The following SPDYE18 variants were observed in gnomAD, a reference collection of about 807,000 sequenced individuals.
SPDYE18 encodes speedy/RINGO cell cycle regulator family member E18.
A neutral mutation model predicts 44.9 loss-of-function variants in SPDYE18; 6 were observed. The ratio of observed to expected loss-of-function variants is 0.13; its 90% confidence interval spans 0.07 to 0.26. SPDYE18 has a LOEUF of 0.26. Among genes scored for constraint, SPDYE18 ranks in the 10% least tolerant of loss-of-function variants. The pLI is 1.00. For missense variants in SPDYE18, 121 were observed against 463.2 expected, an observed-to-expected ratio of 0.26 and a Z score of 6.78; for synonymous variants, 35 against 177.1, an observed-to-expected ratio of 0.20 and a Z score of 6.37.
intron 6 of SPDYE18, among the ~76,000 whole-genome samples, chr7:77,054,606 A>C (rs1342228260): frequency 6.6e-6 from 1 of 152,220 alleles, no homozygotes; most frequent in Non-Finnish European, 1.5e-5. Flanking sequence ...TTTGTGGTTG[A>C]TGTGGGAAGG....
At chr7:77,058,910 A>C (rs1276534592) in intron 3 of SPDYE18, among the ~76,000 whole-genome samples, 1 of 151,986 alleles carries the variant, frequency 6.6e-6, no homozygotes, top group Non-Finnish European at 1.5e-5. Flanking sequence ...CTCTTGCCTC[A>C]GCCTCCCAGC....
chr7:77,060,276 C>T (rs1377195456), intron 2 of SPDYE18, 77 bp downstream of exon 2: 17 of 1,527,308 alleles, frequency 1.1e-5, no homozygotes, highest in African/African-American at 4.1e-5. Context: ...GGGTTACAGG[C>T]GTGAGCCACC....
chr7:77,054,142 C>T (rs4729113), intron 6 of SPDYE18, among the ~76,000 whole-genome samples: 22,456 of 143,410 alleles, frequency 0.16, 491 homozygotes, highest in East Asian at 0.42. Flanking sequence ...TAGAGAGCTA[C>T]GGGCATGCAG....
intron 4 of SPDYE18, among the ~76,000 whole-genome samples, chr7:77,057,035 G>T (rs1437215194): frequency 6.6e-6 from 1 of 151,098 alleles, no homozygotes; most frequent in Non-Finnish European, 1.5e-5. Flanking sequence ...AGAGGGCACA[G>T]CTGAAACCAC....
In SPDYE18 at chr7:77,050,822, T is replaced by TA. The variant is rs1239632792; in HGVS notation, c.*1102dup. Among the ~76,000 whole-genome samples, 1 of 151,328 alleles carries TA rather than the reference T, an allele frequency of 6.6e-6. No individual in the cohort carries two copies. The highest frequency in any genetic ancestry group is 2.4e-5 in the African/African-American group (1 of 41,406). On this transcript the variant is annotated 3_prime_UTR_variant, in exon 9 of 9. Transcript: ENST00000510091. ...AGTTATAACACCCATCACACAGCTT[T>TA]ATAGAAACAGCATCTATTCAAAAAT...
intron 2 of SPDYE18, among the ~76,000 whole-genome samples, chr7:77,060,089 A>G (rs1014239889): frequency 6.8e-5 from 9 of 133,198 alleles, no homozygotes; most frequent in Non-Finnish European, 1.4e-4. Flanking sequence ...TCTTCCTCCC[A>G]GTCTCAAGTG....
At position 77,051,138 on chromosome 7, in the gene SPDYE18, T is replaced by C. The variant is rs1460063557; in HGVS notation, c.*787A>G. ...TTTTTTTCTGGTGGGGAACTACCAATAGCTATAAATAGAAGAGATTTTTAT... is the reference window on the plus strand; with the variant it reads ...TTTTTTTCTGGTGGGGAACTACCAACAGCTATAAATAGAAGAGATTTTTAT... On this transcript the variant is annotated 3_prime_UTR_variant, in exon 9 of 9. Coordinates refer to ENST00000510091, the MANE Select transcript of SPDYE18 (RefSeq NM_001394953.1). Among the ~76,000 whole-genome samples, 2 of 152,022 alleles carry C rather than the reference T, an allele frequency of 1.3e-5. No homozygotes were observed. Among genetic ancestry groups the C allele is most frequent in the African/African-American group, 2.4e-5 (1 of 41,466 alleles).
intron 4 of SPDYE18, among the ~76,000 whole-genome samples, chr7:77,057,422 C>G (rs1789943635): frequency 6.6e-6 from 1 of 151,456 alleles, no homozygotes. Flanking sequence ...TGGCCCAAAA[C>G]CAAGCTTTCT....
chr7:77,053,768 G>A, intron 6 of SPDYE18, among the ~76,000 whole-genome samples: 1 of 151,768 alleles, frequency 6.6e-6, no homozygotes, highest in Non-Finnish European at 1.5e-5. Context: ...GAACCCAGGA[G>A]GCGGAGGTTG....
At position 77,060,438 on chromosome 7, in the gene SPDYE18, G is replaced by T. The variant is rs1339298307; in HGVS notation, c.75C>A (p.His25Gln). 4.6e-6 allele frequency: 7 copies of T among 1,535,346 alleles called. No homozygotes were observed. Among genetic ancestry groups the T allele is most frequent in the Non-Finnish European group, 4.4e-6 (5 of 1,146,842 alleles). The change falls in exon 2 of 9, where the codon CAC becomes CAA. Residue 25 changes from histidine to glutamine, a missense_variant. Coordinates refer to ENST00000510091, the MANE Select transcript of SPDYE18 (RefSeq NM_001394953.1). Reference sequence around the variant, plus strand: ...GCTGGAGACTCTGCTCATTCTGGGGGTGCGGTTGACGGCTGGTCGTGATCT... The same window carrying T: ...GCTGGAGACTCTGCTCATTCTGGGGTTGCGGTTGACGGCTGGTCGTGATCT... ...TGKITTSRQP[H>Q]PQNEQSLQRS...
intron 4 of SPDYE18, among the ~76,000 whole-genome samples, 173 bp downstream of exon 4, chr7:77,057,464 C>T (rs374991910): frequency 2.9e-4 from 44 of 151,138 alleles, no homozygotes; most frequent in East Asian, 1.2e-3. Context: ...TCAAGTTGAC[C>T]TAATCCTTTA....
chr7:77,051,565 G>C lies in SPDYE18; in HGVS notation c.*360C>G, dbSNP rs1283184315. On this transcript the variant is annotated 3_prime_UTR_variant, in exon 9 of 9. Coordinates refer to ENST00000510091, the MANE Select transcript of SPDYE18 (RefSeq NM_001394953.1). ...TGGCAACCAAGTCTGTAAGAAACAG[G>C]ACCTCCAGGTTCCGGCCCAGGGAGG... Among the ~76,000 whole-genome samples, 47 of 152,388 alleles carry C rather than the reference G, an allele frequency of 3.1e-4. No individual in the cohort carries two copies. Among genetic ancestry groups the C allele is most frequent in the Non-Finnish European group, 5.4e-4 (37 of 68,032 alleles).
chr7:77,052,312 T>G (rs1789817486), intron 8 of SPDYE18, among the ~76,000 whole-genome samples: 1 of 152,106 alleles, frequency 6.6e-6, no homozygotes, highest in Non-Finnish European at 1.5e-5. Flanking sequence ...CTCCTCATGA[T>G]GAAGTCTCAT....
At chr7:77,051,998 T>C (rs1477591899) in intron 8 of SPDYE18, among the ~76,000 whole-genome samples, 119 bp from the exon 9 acceptor site, 5 of 142,738 alleles carry the variant, frequency 3.5e-5, no homozygotes, top group Admixed American at 2.2e-4. Context: ...TTTTATCTGC[T>C]GCCTTTCATT....
Position 77,051,122 on chromosome 7 carries a change from G to C in SPDYE18, c.*803C>G, listed in dbSNP as rs1282421655. Among the ~76,000 whole-genome samples the C allele has an allele frequency of 6.6e-6, 1 of 151,882 alleles. No individual in the cohort carries two copies. Among genetic ancestry groups the C allele is most frequent in the African/African-American group, 2.4e-5 (1 of 41,408 alleles). On this transcript the variant is annotated 3_prime_UTR_variant, in exon 9 of 9. Transcript: ENST00000510091. ...TATCACCAGAATTATGTTTTTTTCT[G>C]GTGGGGAACTACCAATAGCTATAAA...
intron 6 of SPDYE18, among the ~76,000 whole-genome samples, chr7:77,053,535 C>T (rs1456284578): frequency 3.3e-5 from 5 of 152,244 alleles, no homozygotes; most frequent in African/African-American, 4.8e-5. Context: ...AGACCCTCGT[C>T]TCTATTAAAA....
chr7:77,054,869 AG>A, intron 6 of SPDYE18, among the ~76,000 whole-genome samples: 1 of 152,134 alleles, frequency 6.6e-6, no homozygotes, highest in Admixed American at 6.5e-5. Context: ...CTGGGTTCAA[AG>A]GGTTCTCTTG....
intron 2 of SPDYE18, 130 bp downstream of exon 2, chr7:77,060,215 TTGAACTCC>T: frequency 6.9e-7 from 1 of 1,451,738 alleles, no homozygotes; most frequent in East Asian, 2.5e-5. Context: ...CAGGCTGGCC[TTGAACTCC>T]TGACCTCAGG....
chr7:77,056,411 CAAAAAA>C (rs373429726), intron 5 of SPDYE18, 133 bp downstream of exon 5: 344 of 333,248 alleles, frequency 1.0e-3, no homozygotes, highest in Middle Eastern at 2.8e-3. Context: ...CTCTGTCTCA[CAAAAAA>C]AAAAAAAAAA....
Sources: gnomAD v4.1 joint callset for allele counts (sites outside exome capture counted in the v4.1 genomes callset) on GRCh38, gnomAD v4.1.1 for gene constraint, MANE v1.5 for transcripts, NCBI Gene and HGNC (gene_info 2026-07-23, HGNC 2026-07-21) for gene names.